Variants in PCSK6 observed in about 807,000 individuals in gnomAD.
PCSK6 encodes proprotein convertase subtilisin/kexin type 6.
Under a neutral mutation model 123.3 loss-of-function variants are expected in PCSK6, and 85 were observed. That is an observed-to-expected ratio of 0.69 (90% CI 0.58 to 0.83). PCSK6 has a LOEUF of 0.83. PCSK6 is among the 40% of genes least tolerant of loss of function. PCSK6 has a pLI of 0.00. For missense variants in PCSK6, 1,191 were observed against 1,282.3 expected, an observed-to-expected ratio of 0.93 and a Z score of 1.09; for synonymous variants, 508 against 516.0, an observed-to-expected ratio of 0.98 and a Z score of 0.21.
At chr15:101,351,591 A>G (rs551194280) in intron 13 of PCSK6, among the ~76,000 whole-genome samples, 1 of 152,376 alleles carries the variant, frequency 6.6e-6, no homozygotes, top group South Asian at 2.1e-4. Context: ...AATTTATAAT[A>G]CAAGCAATGT....
At chr15:101,422,181 A>G (rs2056103797) in intron 6 of PCSK6, among the ~76,000 whole-genome samples, 1 of 152,200 alleles carries the variant, frequency 6.6e-6, no homozygotes, top group African/African-American at 2.4e-5. Flanking sequence ...TCTCCAGAGG[A>G]GTCAGGGGAT....
chr15:101,392,435 T>C (rs1477914954), intron 8 of PCSK6, among the ~76,000 whole-genome samples: 1 of 152,184 alleles, frequency 6.6e-6, no homozygotes, highest in Non-Finnish European at 1.5e-5. Flanking sequence ...TCGAAAGATG[T>C]GGCTGAGCAG....
At chr15:101,374,121 C>T (rs143209368) in intron 11 of PCSK6, among the ~76,000 whole-genome samples, 6 of 152,246 alleles carry the variant, frequency 3.9e-5, no homozygotes, top group African/African-American at 7.2e-5. Flanking sequence ...CCACGTGCCA[C>T]GCAGCCACAT....
intron 8 of PCSK6, 73 bp from the exon 9 acceptor site, chr15:101,389,637 A>C: frequency 8.3e-7 from 1 of 1,209,016 alleles, no homozygotes; most frequent in Non-Finnish European, 1.2e-6. Context: ...AGGCTGGGCT[A>C]CTTCAGGTGC....
At chr15:101,422,330 C>T (rs1567209048) in intron 6 of PCSK6, among the ~76,000 whole-genome samples, 1 of 152,198 alleles carries the variant, frequency 6.6e-6, no homozygotes, top group African/African-American at 2.4e-5. Context: ...CTAAGAAGTC[C>T]AGTAGGAAAA....
chr15:101,333,958 G>A (rs2040421750), intron 13 of PCSK6, among the ~76,000 whole-genome samples: 1 of 152,232 alleles, frequency 6.6e-6, no homozygotes, highest in African/African-American at 2.4e-5. Flanking sequence ...GCTGGAGCCT[G>A]CACACTGTCC....
chr15:101,478,866 C>A (rs1050895292), intron 1 of PCSK6, among the ~76,000 whole-genome samples: 4 of 152,240 alleles, frequency 2.6e-5, no homozygotes, highest in Non-Finnish European at 4.4e-5. Flanking sequence ...TTGCTGCTCA[C>A]AAACCTGCTA....
chr15:101,431,898 T>C, intron 3 of PCSK6, 92 bp downstream of exon 3: 6 of 904,340 alleles, frequency 6.6e-6, no homozygotes, highest in Non-Finnish European at 1.1e-5. Context: ...GGAGATGTTG[T>C]TTGAATTTAG....
intron 20 of PCSK6, 118 bp from the exon 21 acceptor site, chr15:101,307,443 T>C (rs1426317013): frequency 4.3e-6 from 3 of 689,792 alleles, no homozygotes; most frequent in Non-Finnish European, 7.6e-6. Context: ...CTCGGTCCTC[T>C]GTGGAGAGGC....
chr15:101,446,741 G>A (rs1264715320), intron 1 of PCSK6, among the ~76,000 whole-genome samples: 1 of 152,240 alleles, frequency 6.6e-6, no homozygotes, highest in Non-Finnish European at 1.5e-5. Flanking sequence ...CTGATGTCAA[G>A]CAAGGGTTCT....
chr15:101,478,646 A>G (rs547392600), intron 1 of PCSK6, among the ~76,000 whole-genome samples: 2 of 152,274 alleles, frequency 1.3e-5, no homozygotes, highest in South Asian at 4.2e-4. Context: ...AGGTGTGTCC[A>G]GACTTGCCGG....
Position 101,384,346 on chromosome 15 carries a change from T to G in PCSK6, c.1390A>C (p.Lys464Gln). 1 of 1,613,826 alleles carries G rather than the reference T, an allele frequency of 6.2e-7. No homozygotes were observed. Among genetic ancestry groups the G allele is most frequent in the Non-Finnish European group, 8.5e-7 (1 of 1,179,816 alleles). ...RPAHLKASDW[K>Q]VNGAGHKVSH... ...CCTTTATGACCCGCGCCGTTCACTT[T>G]CCAGTCGCTCGCTTTCAGGTGGGCC... Residue 464 changes from lysine to glutamine, a missense_variant, in exon 10 of 22, where the codon AAA becomes CAA. Coordinates refer to ENST00000611716, the MANE Select transcript of PCSK6 (RefSeq NM_002570.5).
chr15:101,356,678 A>AAAATAAAT lies in PCSK6; in HGVS notation c.1858+9510_1858+9517dup, dbSNP rs201547509. On this transcript the variant is annotated intron_variant, in intron 13 of 21. Transcript: ENST00000611716. The stretch of plus-strand genomic sequence containing the variant: ...CTGGGCAACAGAGCGAGACTGTCTC[A>AAAATAAAT]AAATAAATAAATAAATAAATAAATA... Among the ~76,000 whole-genome samples, 482 of 142,952 alleles carry AAAATAAAT rather than the reference A, an allele frequency of 3.4e-3. 5 individuals are homozygous for AAAATAAAT. Among genetic ancestry groups the AAAATAAAT allele is most frequent in the Middle Eastern group, 0.014 (4 of 282 alleles). 93.8% of individuals were successfully genotyped at this position (142,952 alleles called of 152,430 possible). A position where few individuals can be genotyped will look rare whatever the true frequency, so the allele number is the denominator to read the frequency against.
chr15:101,317,565 T>C (rs977136831), intron 19 of PCSK6, among the ~76,000 whole-genome samples: 7 of 152,210 alleles, frequency 4.6e-5, no homozygotes, highest in Non-Finnish European at 5.9e-5. Flanking sequence ...GAACTAAGGC[T>C]ATGTTTGAAA....
At position 101,398,886 on chromosome 15, in the gene PCSK6, T is replaced by G. The variant is rs887398392; in HGVS notation, c.824-310A>C. ...TTTTTATTTTAAAAAACAAGACCTA[T>G]TATTATTATTATTATTATTTATTAT... On this transcript the variant is annotated intron_variant, in intron 6 of 21. Coordinates refer to ENST00000611716, the MANE Select transcript of PCSK6 (RefSeq NM_002570.5). This position sits in a 1 kb window ranked among gnomAD's most constrained non-coding sequence, Gnocchi z 4.6. 2.0e-5 allele frequency among the ~76,000 whole-genome samples: 3 copies of G among 149,442 alleles called. No individual in the cohort carries two copies. The highest frequency in any genetic ancestry group is 5.0e-5 in the African/African-American group (2 of 40,238).
chr15:101,430,027 A>C lies in PCSK6; in HGVS notation c.694T>G (p.Tyr232Asp). 2 of 1,613,912 alleles carry C rather than the reference A, an allele frequency of 1.2e-6. No homozygotes were observed. The highest frequency in any genetic ancestry group is 1.7e-6 in the Non-Finnish European group (2 of 1,179,812). Residue 232 changes from tyrosine to aspartate, a missense_variant, in exon 5 of 22, where the codon TAT becomes GAT. Around this residue, in one of 3 missense-constraint regions of PCSK6, gnomAD observed 357 missense variants for 484.5 expected, o/e 0.74. Transcript: ENST00000611716. ...GCATCATATCGTGGAGATGGGTCAT[A>C]ATCATTGCCGTTCACGTCGTAGCTG... ...YASYDVNGND[Y>D]DPSPRYDASN... is the part of the protein sequence containing the mutation.
chr15:101,438,318 A>G (rs2056660619), intron 2 of PCSK6, among the ~76,000 whole-genome samples: 1 of 152,252 alleles, frequency 6.6e-6, no homozygotes, highest in African/African-American at 2.4e-5. Context: ...GGATTTTTCC[A>G]TAATTTAGCC....
intron 1 of PCSK6, among the ~76,000 whole-genome samples, chr15:101,472,892 T>G (rs989369701): frequency 3.9e-5 from 6 of 152,144 alleles, no homozygotes; most frequent in African/African-American, 1.4e-4. Flanking sequence ...AGTGGAAAGA[T>G]CCTCTGGTTA....
chr15:101,485,664 C>G (rs1490886554), intron 1 of PCSK6, among the ~76,000 whole-genome samples: 1 of 152,158 alleles, frequency 6.6e-6, no homozygotes, highest in Non-Finnish European at 1.5e-5. Context: ...CTATTTGTAA[C>G]TCTTCAGCTC....
Sources: allele counts gnomAD v4.1 joint callset (sites outside exome capture counted in the v4.1 genomes callset), GRCh38; gene constraint gnomAD v4.1.1; regional missense constraint gnomAD v4.1.1; non-coding constraint Gnocchi (gnomAD v3.1); transcripts MANE v1.5; gene names NCBI Gene and HGNC (gene_info 2026-07-23, HGNC 2026-07-21).